Variants in SLC24A2 observed in about 807,000 individuals in gnomAD.
The protein encoded by SLC24A2 is solute carrier family 24 member 2.
In SLC24A2, 36 loss-of-function variants were observed where a neutral mutation model predicts 62.0. The ratio of observed to expected loss-of-function variants is 0.58; its 90% confidence interval spans 0.44 to 0.77. The LOEUF (loss-of-function observed/expected upper bound fraction) is 0.77. Ranked by LOEUF, SLC24A2 falls within the 30% of genes least tolerant of loss-of-function variation. SLC24A2 has a pLI of 0.00. For missense variants in SLC24A2, 846 were observed against 817.9 expected (o/e 1.03, Z -0.42); for synonymous variants, 358 against 294.0 (o/e 1.22, Z -2.23).
At chr9:19,687,026 G>GTTAT (rs1819902769) in intron 2 of SLC24A2, among the ~76,000 whole-genome samples, 1 of 152,082 alleles carries the variant, frequency 6.6e-6, no homozygotes, top group Admixed American at 6.6e-5. Flanking sequence ...GTGAACACGG[G>GTTAT]AACAGAAAAC....
chr9:20,266,336 C>G, the SLC24A2 span, among the ~76,000 whole-genome samples: 1 of 152,136 alleles, frequency 6.6e-6, no homozygotes, highest in Non-Finnish European at 1.5e-5. Context: ...CCCTTTATTT[C>G]TCTAAACGGC....
At chr9:20,110,801 C>T in the SLC24A2 span, among the ~76,000 whole-genome samples, 1 of 152,146 alleles carries the variant, frequency 6.6e-6, no homozygotes. Context: ...TTTCCTTCCT[C>T]TGGTTTTGAA....
intron 7 of SLC24A2, among the ~76,000 whole-genome samples, chr9:19,564,666 C>A (rs1354812661): frequency 6.6e-6 from 1 of 151,978 alleles, no homozygotes; most frequent in Non-Finnish European, 1.5e-5. Context: ...TCCCTAAGGA[C>A]AGAAGGAAAT....
chr9:19,560,585 T>TGCCA, intron 7 of SLC24A2, among the ~76,000 whole-genome samples: 1 of 152,186 alleles, frequency 6.6e-6, no homozygotes, highest in Admixed American at 6.5e-5. Flanking sequence ...AGACTGAATC[T>TGCCA]GCCAGAACCT....
the SLC24A2 span, among the ~76,000 whole-genome samples, chr9:20,199,130 G>A: frequency 6.6e-6 from 1 of 152,150 alleles, no homozygotes; most frequent in Non-Finnish European, 1.5e-5. Context: ...AATGTTTCAG[G>A]TGTCATTTTA....
At chr9:19,958,336 C>G in the SLC24A2 span, among the ~76,000 whole-genome samples, 1 of 152,174 alleles carries the variant, frequency 6.6e-6, no homozygotes, top group East Asian at 1.9e-4. Flanking sequence ...CAGATACTAA[C>G]GAGGAACACC....
the SLC24A2 span, among the ~76,000 whole-genome samples, chr9:20,259,931 A>G: frequency 6.6e-6 from 1 of 152,148 alleles, no homozygotes; most frequent in Non-Finnish European, 1.5e-5. Context: ...TCTGCCAAAA[A>G]TATGAAAATT....
chr9:19,789,504 GC>G (rs1354284608), upstream of SLC24A2, among the ~76,000 whole-genome samples: 30 of 152,218 alleles, frequency 2.0e-4, no homozygotes, highest in African/African-American at 6.8e-4. Context: ...GGATTTGGAT[GC>G]TTGGGACACT....
chr9:19,779,432 T>G (rs955619290), intron 2 of SLC24A2, among the ~76,000 whole-genome samples: 1 of 152,192 alleles, frequency 6.6e-6, no homozygotes, highest in Non-Finnish European at 1.5e-5. Context: ...AAAAACGGAA[T>G]TGAGAGACAG....
At chr9:20,238,222 C>T in the SLC24A2 span, among the ~76,000 whole-genome samples, 1 of 152,166 alleles carries the variant, frequency 6.6e-6, no homozygotes, top group Non-Finnish European at 1.5e-5. Flanking sequence ...ACCCTCACAT[C>T]CACTCTAAGA....
At chr9:20,063,385 T>C in the SLC24A2 span, among the ~76,000 whole-genome samples, 6 of 150,194 alleles carry the variant, frequency 4.0e-5, no homozygotes, top group African/African-American at 1.2e-4. Flanking sequence ...AGTAAACTAT[T>C]GCAAGAACAA....
chr9:19,854,825 G>C, the SLC24A2 span, among the ~76,000 whole-genome samples: 1 of 152,146 alleles, frequency 6.6e-6, no homozygotes, highest in Admixed American at 6.6e-5. Flanking sequence ...CCAGAGCTGA[G>C]CTCAAGTCCT....
chr9:20,003,038 T>A, the SLC24A2 span, among the ~76,000 whole-genome samples: 1 of 152,208 alleles, frequency 6.6e-6, no homozygotes. Context: ...CTAGGCCCCA[T>A]AAATGATAAA....
At chr9:20,089,865 C>T in the SLC24A2 span, among the ~76,000 whole-genome samples, 3 of 151,872 alleles carry the variant, frequency 2.0e-5, no homozygotes, top group African/African-American at 7.3e-5. Context: ...GAGCCCTTGA[C>T]CCCCTGCTCC....
the SLC24A2 span, among the ~76,000 whole-genome samples, chr9:19,933,931 C>G: frequency 2.3e-4 from 35 of 152,062 alleles, no homozygotes; most frequent in African/African-American, 8.2e-4. Context: ...TCCATAGAGG[C>G]AGAAAGTAGA....
the SLC24A2 span, among the ~76,000 whole-genome samples, chr9:20,031,457 C>T: frequency 6.7e-6 from 1 of 149,694 alleles, no homozygotes; most frequent in Non-Finnish European, 1.5e-5. Context: ...TCTCATGGTG[C>T]ATTGAAATGC....
chr9:20,068,608 A>G, the SLC24A2 span, among the ~76,000 whole-genome samples: 1 of 152,172 alleles, frequency 6.6e-6, no homozygotes, highest in Admixed American at 6.5e-5. Context: ...GGGGATGCTT[A>G]TATTGCCATA....
chr9:19,950,922 T>C, the SLC24A2 span, among the ~76,000 whole-genome samples: 2 of 152,138 alleles, frequency 1.3e-5, no homozygotes, highest in African/African-American at 4.8e-5. Context: ...TTTTGCAAAA[T>C]GGAGAGACTT....
rs564829978 is a variant in SLC24A2, at chr9:19,620,788, T to C, written c.970-1096A>G. 1.1e-3 allele frequency among the ~76,000 whole-genome samples: 167 copies of C among 152,332 alleles called. 1 individual carries two copies. The highest frequency in any genetic ancestry group is 3.9e-3 in the African/African-American group (162 of 41,576). The stretch of plus-strand genomic sequence containing the variant: ...GTATCGTAATGTAAGGGAATTAATT[T>C]CTTATTGAACTTTCAGCGTAAAAGT... On this transcript the variant is annotated intron_variant, in intron 3 of 10. Coordinates refer to ENST00000341998, the MANE Select transcript of SLC24A2 (RefSeq NM_020344.4).
Sources: allele counts gnomAD v4.1 joint callset (sites outside exome capture counted in the v4.1 genomes callset), GRCh38; gene constraint gnomAD v4.1.1; transcripts MANE v1.5; gene names NCBI Gene and HGNC (gene_info 2026-07-23, HGNC 2026-07-21).